Variants in MSRA observed in about 807,000 individuals in gnomAD.
The protein encoded by MSRA is methionine sulfoxide reductase A, also known as mitochondrial peptide methionine sulfoxide reductase.
In MSRA, 54 loss-of-function variants were observed where a neutral mutation model predicts 31.3. That is an observed-to-expected ratio of 1.73 (90% CI 1.39 to 2.17). MSRA has a LOEUF of 2.17. Ranked by LOEUF, MSRA falls within the 30% of genes most tolerant of loss-of-function variation. MSRA has a pLI of 0.00. For synonymous variants in MSRA, 169 were observed against 116.5 expected (o/e 1.45, Z -2.90); for missense variants, 507 against 300.9 (o/e 1.69, Z -5.07).
At chr8:10,121,672 T>A (rs139581904) in intron 1 of MSRA, among the ~76,000 whole-genome samples, 1 of 151,772 alleles carries the variant, frequency 6.6e-6, no homozygotes, top group Non-Finnish European at 1.5e-5. Flanking sequence ...TCCCTCTCCC[T>A]CTCTCTTTTT....
chr8:10,375,954 G>C (rs1188759052), intron 5 of MSRA, among the ~76,000 whole-genome samples: 3 of 152,194 alleles, frequency 2.0e-5, no homozygotes, highest in African/African-American at 4.8e-5. Context: ...TTCTGATGGG[G>C]GAGGAAGGCG....
rs1284472479 is a variant in MSRA at position 10,419,741 on chromosome 8, C to G, written c.544-8407C>G. Among the ~76,000 whole-genome samples, 6 of 152,194 alleles carry G rather than the reference C, an allele frequency of 3.9e-5. No homozygotes were observed. The South Asian group carries it at 6.2e-4, about 16-fold the overall frequency. Reference sequence around the variant, plus strand: ...CGCTTGGTGTTTAGAGCGTATATCTCTTTGGGTGGAGGGCAGGCGGGCAAG... The same window carrying G: ...CGCTTGGTGTTTAGAGCGTATATCTGTTTGGGTGGAGGGCAGGCGGGCAAG... On this transcript the variant is annotated intron_variant, in intron 5 of 5. Transcript: ENST00000317173.
At chr8:10,304,479 A>G (rs1403045384) in intron 4 of MSRA, among the ~76,000 whole-genome samples, 1 of 152,242 alleles carries the variant, frequency 6.6e-6, no homozygotes. Context: ...ACCAACCCTT[A>G]AGTTCAGAAT....
At chr8:10,271,280 G>A (rs1425309516) in intron 3 of MSRA, among the ~76,000 whole-genome samples, 1 of 152,044 alleles carries the variant, frequency 6.6e-6, no homozygotes, top group East Asian at 1.9e-4. Flanking sequence ...ACCTACCATG[G>A]GGAAGCAAGC....
rs567086187 is a variant in MSRA, at chr8:10,404,965, C to T, written c.544-23183C>T. 3.2e-4 allele frequency among the ~76,000 whole-genome samples: 48 copies of T among 152,334 alleles called. 1 individual carries two copies. The highest frequency in any genetic ancestry group is 6.8e-3 in the Middle Eastern group (2 of 294). ...TGGCCTGGACAGAACCCACGATGGC[C>T]GAGCTGCCTTAGGCCACAGTCACAG... On this transcript the variant is annotated intron_variant, in intron 5 of 5. Transcript: ENST00000317173.
At chr8:10,246,838 T>C (rs1797647130) in intron 3 of MSRA, among the ~76,000 whole-genome samples, 1 of 152,246 alleles carries the variant, frequency 6.6e-6, no homozygotes, top group East Asian at 1.9e-4. Context: ...TTTTAACTTC[T>C]GTTTCAAAAT....
At chr8:10,304,901 A>G (rs934571688) in intron 4 of MSRA, among the ~76,000 whole-genome samples, 2 of 152,224 alleles carry the variant, frequency 1.3e-5, no homozygotes, top group African/African-American at 4.8e-5. Context: ...TTTCAGAAAC[A>G]AAAGTGATTA....
At chr8:10,186,431 A>G (rs1180012140) in intron 1 of MSRA, among the ~76,000 whole-genome samples, 1 of 152,132 alleles carries the variant, frequency 6.6e-6, no homozygotes, top group Non-Finnish European at 1.5e-5. Context: ...TCAAATTTGA[A>G]TCTCTTAGAA....
At chr8:10,116,201 A>G (rs996193640) in intron 1 of MSRA, among the ~76,000 whole-genome samples, 4 of 152,236 alleles carry the variant, frequency 2.6e-5, no homozygotes, top group African/African-American at 9.6e-5. Context: ...CATGTGGCCC[A>G]GGATGCCGTT....
intron 3 of MSRA, among the ~76,000 whole-genome samples, chr8:10,285,427 G>C (rs935887685): frequency 3.3e-5 from 5 of 152,112 alleles, no homozygotes; most frequent in Non-Finnish European, 5.9e-5. Flanking sequence ...TGTATACAAT[G>C]TGTAATGATC....
At chr8:10,127,561 A>G (rs997647558) in intron 1 of MSRA, among the ~76,000 whole-genome samples, 2 of 152,230 alleles carry the variant, frequency 1.3e-5, no homozygotes, top group Admixed American at 6.5e-5. Context: ...AGAGTCACTC[A>G]GATGAAATGA....
intron 1 of MSRA, among the ~76,000 whole-genome samples, chr8:10,136,472 A>C (rs1395149422): frequency 6.6e-6 from 1 of 152,222 alleles, no homozygotes; most frequent in Non-Finnish European, 1.5e-5. Context: ...TCGGGAGCCC[A>C]CAAGATTAAA....
intron 2 of MSRA, among the ~76,000 whole-genome samples, chr8:10,242,600 A>G (rs1002768515): frequency 4.6e-5 from 7 of 152,318 alleles, no homozygotes; most frequent in Admixed American, 2.6e-4. Context: ...AAAGGCTAAA[A>G]ATAAGTATTT....
At chr8:10,258,600 C>G (rs1315224914) in intron 3 of MSRA, among the ~76,000 whole-genome samples, 1 of 152,204 alleles carries the variant, frequency 6.6e-6, no homozygotes, top group African/African-American at 2.4e-5. Flanking sequence ...CTCTGGGACT[C>G]TTGTAAGCCC....
At chr8:10,118,760 A>C (rs1800878578) in intron 1 of MSRA, among the ~76,000 whole-genome samples, 2 of 152,130 alleles carry the variant, frequency 1.3e-5, no homozygotes, top group Admixed American at 1.3e-4. Flanking sequence ...CCTCAAAACC[A>C]GCTCCTCTGT....
chr8:10,371,996 G>A (rs1440462145), intron 5 of MSRA, among the ~76,000 whole-genome samples: 1 of 152,090 alleles, frequency 6.6e-6, no homozygotes, highest in East Asian at 1.9e-4. Context: ...TTGAATGATA[G>A]ATCAAAGAGC....
rs1471144225 is a variant in MSRA, at chr8:10,428,408, G to A, written c.*96G>A. On this transcript the variant is annotated 3_prime_UTR_variant, in exon 6 of 6. Coordinates refer to ENST00000317173, the MANE Select transcript of MSRA (RefSeq NM_012331.5). ...GATTCACAATCGTGGCATTTAAAGT[G>A]CACAAAGTACAAAGGAATTTATACA... 14 of 1,322,716 alleles carry A rather than the reference G, an allele frequency of 1.1e-5. No individual in the cohort carries two copies. The highest frequency in any genetic ancestry group is 1.1e-6 in the Non-Finnish European group (1 of 949,266). 81.9% of individuals were successfully genotyped at this position (1,322,716 alleles called of 1,614,324 possible). A position where few individuals can be genotyped will look rare whatever the true frequency, so the allele number is the denominator to read the frequency against.
chr8:10,313,570 A>G (rs1443720176), intron 4 of MSRA, among the ~76,000 whole-genome samples: 1 of 152,194 alleles, frequency 6.6e-6, no homozygotes, highest in Non-Finnish European at 1.5e-5. Flanking sequence ...TATGGTTGGT[A>G]AACACACCAA....
At chr8:10,116,882 C>T (rs1472925043) in intron 1 of MSRA, among the ~76,000 whole-genome samples, 4 of 152,144 alleles carry the variant, frequency 2.6e-5, no homozygotes, top group Admixed American at 2.0e-4. Flanking sequence ...AGGAGAATCG[C>T]TTGAACCTGG....
Sources: allele counts gnomAD v4.1 joint callset (sites outside exome capture counted in the v4.1 genomes callset), GRCh38; gene constraint gnomAD v4.1.1; transcripts MANE v1.5; gene names NCBI Gene and HGNC (gene_info 2026-07-23, HGNC 2026-07-21).